The following PRMT7 variants were observed in gnomAD, a reference collection of about 807,000 sequenced individuals.
The protein encoded by PRMT7 is protein arginine methyltransferase 7.
A neutral mutation model predicts 85.4 loss-of-function variants in PRMT7; 75 were observed. The observed-to-expected ratio is 0.88, with a 90% CI of 0.73 to 1.06. PRMT7 has a LOEUF of 1.06. Ranked by LOEUF, PRMT7 falls within the 50% of genes least tolerant of loss-of-function variation. The pLI is 0.00. For missense variants in PRMT7, 868 were observed against 915.2 expected (o/e 0.95, Z 0.67); for synonymous variants, 397 against 359.5 (o/e 1.10, Z -1.18).
intron 5 of PRMT7, 50 bp downstream of exon 5, chr16:68,324,882 C>A: frequency 6.2e-7 from 1 of 1,605,962 alleles, no homozygotes; most frequent in Non-Finnish European, 8.5e-7. Flanking sequence ...TGGGAAATCC[C>A]CTATGCTCTT....
chr16:68,348,127 T>C (rs1200603605), intron 13 of PRMT7, among the ~76,000 whole-genome samples: 1 of 152,172 alleles, frequency 6.6e-6, no homozygotes. Context: ...GGGAGAAATT[T>C]CTTTTGCTTT....
At chr16:68,339,227 C>A in intron 7 of PRMT7, 95 bp from the exon 8 acceptor site, 1 of 1,530,348 alleles carries the variant, frequency 6.5e-7, no homozygotes, top group Non-Finnish European at 8.9e-7. Context: ...CTGAACCAAC[C>A]TAATGTTAAG....
At chr16:68,349,615 C>T (rs1225037342) in intron 14 of PRMT7, among the ~76,000 whole-genome samples, 1 of 152,086 alleles carries the variant, frequency 6.6e-6, no homozygotes, top group African/African-American at 2.4e-5. Flanking sequence ...ATTTCCAGGC[C>T]CGACATGGTG....
chr16:68,349,930 T>TA (rs954474739), intron 14 of PRMT7, among the ~76,000 whole-genome samples: 8 of 152,186 alleles, frequency 5.3e-5, no homozygotes, highest in African/African-American at 1.9e-4. Context: ...ACATTTCTGT[T>TA]ACCTCCCAAA....
rs2088312983 is a variant in PRMT7 at position 68,355,832 on chromosome 16, A to G, written c.1760A>G (p.Gln587Arg). 1 of 1,610,260 alleles carries G rather than the reference A, an allele frequency of 6.2e-7. No individual in the cohort carries two copies. Among genetic ancestry groups the G allele is most frequent in the Non-Finnish European group, 8.5e-7 (1 of 1,179,354 alleles). ...CAGATCCTGACCTTTGACTTCCAGC[A>G]GCCGGTGCCCCTGCAGCCCCTGTGT... ...PWQILTFDFQQPVPLQPLCAE... is the reference protein window; with the variant it reads ...PWQILTFDFQRPVPLQPLCAE... Residue 587 changes from glutamine to arginine, a missense_variant, in exon 17 of 19, where the codon CAG (glutamine) becomes CGG (arginine). Transcript: ENST00000441236.
chr16:68,322,445 G>A (rs890624075), intron 4 of PRMT7: 9 of 447,132 alleles, frequency 2.0e-5, no homozygotes, highest in African/African-American at 4.0e-5. Context: ...TGATCCACCC[G>A]CCTTGGTCTC....
At chr16:68,359,049 G>T, downstream of PRMT7, 1 of 152,810 alleles carries the variant, frequency 6.5e-6, no homozygotes. Context: ...CCGCCTGTGA[G>T]GTGGGAGGGG....
At chr16:68,344,872 A>C (rs1172101598) in intron 9 of PRMT7, among the ~76,000 whole-genome samples, 1 of 149,312 alleles carries the variant, frequency 6.7e-6, no homozygotes, top group Non-Finnish European at 1.5e-5. Context: ...TAAATTTACC[A>C]GTTGTTAACG....
chr16:68,330,137 G>A (rs1377827675), intron 6 of PRMT7, among the ~76,000 whole-genome samples: 5 of 151,806 alleles, frequency 3.3e-5, no homozygotes, highest in Admixed American at 6.6e-5. Context: ...CAGGTGATCC[G>A]CCTGCCTCAG....
intron 18 of PRMT7, 75 bp downstream of exon 18, chr16:68,356,872 C>T: frequency 1.4e-6 from 2 of 1,456,116 alleles, no homozygotes; most frequent in Non-Finnish European, 1.9e-6. Flanking sequence ...CCTCCCTGCC[C>T]CCATGCTCTG....
chr16:68,313,336 A>G, intron 2 of PRMT7, among the ~76,000 whole-genome samples: 1 of 152,210 alleles, frequency 6.6e-6, no homozygotes, highest in East Asian at 1.9e-4. Context: ...GAACTACAAA[A>G]CGATGACTCT....
intron 14 of PRMT7, 163 bp from the exon 15 acceptor site, chr16:68,352,085 T>TGAGG (rs2087465653): frequency 7.6e-6 from 5 of 660,342 alleles, no homozygotes; most frequent in Non-Finnish European, 1.3e-5. Flanking sequence ...GAGGGACTGA[T>TGAGG]GAGGGAGGGA....
chr16:68,332,418 G>A (rs1411235131), intron 6 of PRMT7, among the ~76,000 whole-genome samples: 1 of 152,162 alleles, frequency 6.6e-6, no homozygotes, highest in African/African-American at 2.4e-5. Context: ...CTGCTCTAAG[G>A]CTGTTTAGCC....
chr16:68,328,930 A>T (rs1173020691), intron 5 of PRMT7, 136 bp from the exon 6 acceptor site: 1 of 592,098 alleles, frequency 1.7e-6, no homozygotes, highest in Non-Finnish European at 3.0e-6. Context: ...CTTTTTCATG[A>T]TGCACATTTG....
chr16:68,326,039 A>G (rs2083076742), intron 5 of PRMT7, among the ~76,000 whole-genome samples: 1 of 152,240 alleles, frequency 6.6e-6, no homozygotes, highest in African/African-American at 2.4e-5. Flanking sequence ...ATTAAAAATT[A>G]AACATGTTAT....
chr16:68,327,967 G>C (rs2083329006), intron 5 of PRMT7: 1 of 154,330 alleles, frequency 6.5e-6, no homozygotes, highest in African/African-American at 2.4e-5. Flanking sequence ...GAAAATTCCA[G>C]AAATTATTTA....
intron 6 of PRMT7, among the ~76,000 whole-genome samples, chr16:68,332,360 C>T (rs2084020634): frequency 3.9e-5 from 6 of 152,256 alleles, no homozygotes; most frequent in East Asian, 1.9e-4. Flanking sequence ...CAGACTGCCA[C>T]GTCTTCCTTG....
chr16:68,313,306 C>T (rs753137598), intron 2 of PRMT7, among the ~76,000 whole-genome samples: 1 of 152,110 alleles, frequency 6.6e-6, no homozygotes, highest in Non-Finnish European at 1.5e-5. Context: ...GGCACATGAA[C>T]ACCCAGTCAT....
Position 68,348,417 on chromosome 16 carries a change from C to T in PRMT7, c.1399C>T (p.Leu467=). The change falls in exon 14 of 19, where the codon CTA becomes TTA. Residue 467 remains leucine (L), a synonymous_variant. Transcript: ENST00000441236. ...KRPELLTNED[L]QGRKVSLLLG... The stretch of plus-strand genomic sequence containing the variant: ...GCCGGAATTATTAACAAATGAGGAC[C>T]TACAGGGCAGAAAGGTGAGTAGCGG... 2 of 1,611,200 alleles carry T rather than the reference C, an allele frequency of 1.2e-6. No individual in the cohort carries two copies. Among genetic ancestry groups the T allele is most frequent in the South Asian group, 1.1e-5 (1 of 91,006 alleles).
Sources: gnomAD v4.1 joint callset for allele counts (sites outside exome capture counted in the v4.1 genomes callset) on GRCh38, gnomAD v4.1.1 for gene constraint, MANE v1.5 for transcripts, NCBI Gene and HGNC (gene_info 2026-07-23, HGNC 2026-07-21) for gene names.